Variants in PTPRQ observed in about 807,000 individuals in gnomAD.
PTPRQ encodes phosphatidylinositol phosphatase PTPRQ.
Under a neutral mutation model 246.0 loss-of-function variants are expected in PTPRQ, and 199 were observed. That is an observed-to-expected ratio of 0.81 (90% confidence interval 0.72 to 0.91). PTPRQ has a LOEUF of 0.91. Ranked by LOEUF, PTPRQ falls within the 40% of genes least tolerant of loss-of-function variation. The probability of loss-of-function intolerance (pLI) is 0.00; values close to 1 mark genes in which losing one functional copy is unlikely to be tolerated. For synonymous variants in PTPRQ, 869 were observed against 853.2 expected, an observed-to-expected ratio of 1.02 and a Z score of -0.32; for missense variants, 2,624 against 2,528.4, an observed-to-expected ratio of 1.04 and a Z score of -0.81.
At chr12:80,477,110 C>T (rs961274756) in intron 8 of PTPRQ, among the ~76,000 whole-genome samples, 2 of 152,106 alleles carry the variant, frequency 1.3e-5, no homozygotes, top group African/African-American at 4.8e-5. Flanking sequence ...GCTTTAAGTT[C>T]TTGGTACTTT....
intron 30 of PTPRQ, among the ~76,000 whole-genome samples, chr12:80,617,643 T>G (rs1458268041): frequency 6.6e-6 from 1 of 151,380 alleles, no homozygotes; most frequent in Admixed American, 6.6e-5. Flanking sequence ...AATCTTGACT[T>G]TTACTCCTTA....
chr12:80,488,038 T>C (rs890910623), intron 9 of PTPRQ, among the ~76,000 whole-genome samples: 1 of 151,858 alleles, frequency 6.6e-6, no homozygotes, highest in African/African-American at 2.4e-5. Context: ...GCTTTAGAAC[T>C]GAGGGCCCTG....
intron 25 of PTPRQ, among the ~76,000 whole-genome samples, chr12:80,567,870 G>A (rs536641416): frequency 6.6e-5 from 10 of 152,228 alleles, no homozygotes; most frequent in Non-Finnish European, 1.5e-4. Context: ...CAACAGCACC[G>A]AATGAGAGTT....
chr12:80,650,858 A>C (rs1193228473), intron 37 of PTPRQ, among the ~76,000 whole-genome samples: 1 of 152,042 alleles, frequency 6.6e-6, no homozygotes, highest in Non-Finnish European at 1.5e-5. Flanking sequence ...TTTCTAGTTT[A>C]AGTTTTTTGA....
intron 7 of PTPRQ, among the ~76,000 whole-genome samples, chr12:80,471,446 CTTATAGAAGATAATGAAA>C: frequency 7.0e-6 from 1 of 142,122 alleles, no homozygotes; most frequent in Non-Finnish European, 1.6e-5. Context: ...AATATATCCT[CTTATAGAAGATAATGAAA>C]TTATTTAGCA....
chr12:80,626,407 A>G (rs985013773), intron 33 of PTPRQ, among the ~76,000 whole-genome samples: 10 of 152,304 alleles, frequency 6.6e-5, no homozygotes, highest in Middle Eastern at 3.4e-3. Flanking sequence ...AGGAGATTAA[A>G]TCAGATGAAT....
chr12:80,517,466 G>T (rs1359726910), intron 17 of PTPRQ, among the ~76,000 whole-genome samples: 1 of 151,920 alleles, frequency 6.6e-6, no homozygotes, highest in Non-Finnish European at 1.5e-5. Flanking sequence ...GGAAAATGGG[G>T]TATCCATCCC....
Position 80,444,868 on chromosome 12 carries a change from T to C in PTPRQ, c.163+19T>C, listed in dbSNP as rs760396351. On this transcript the variant is annotated intron_variant, in intron 2 of 44. Coordinates refer to ENST00000644991, the MANE Select transcript of PTPRQ (RefSeq NM_001145026.2). ...GTAACAAGTGAGTATATGTTTTAAA[T>C]TACTTTGTAAGTAAAGTATTTGGAG... 1.3e-6 allele frequency: 2 copies of C among 1,501,754 alleles called. No homozygotes were observed. Among genetic ancestry groups the C allele is most frequent in the South Asian group, 1.2e-5 (1 of 80,880 alleles). The allele number at this position is 1,501,754 out of a possible 1,614,324, so 93.0% of individuals were successfully genotyped here.
In PTPRQ at chr12:80,459,370, G is replaced by A. The variant is rs1893078241; in HGVS notation, c.547G>A (p.Gly183Ser). 1 of 398,442 alleles carries A rather than the reference G, an allele frequency of 2.5e-6. No individual in the cohort carries two copies. The highest frequency in any genetic ancestry group is 4.4e-5 in the Admixed American group (1 of 22,700). The allele number at this position is 398,442 out of a possible 1,614,324, so 24.7% of individuals were successfully genotyped here. Residue 183 changes from glycine to serine, a missense_variant, in exon 5 of 45, where the codon GGC (glycine) becomes AGC (serine). Gly to Ser is a moderately conservative substitution (Grantham distance 56). Coordinates refer to ENST00000644991, the MANE Select transcript of PTPRQ (RefSeq NM_001145026.2). The stretch of plus-strand genomic sequence containing the variant: ...TTGGTATTTACCTCGGCAACCAAAT[G>A]GCAAAATTACCAGCTTCAAGATTAG... The part of the protein sequence containing the change: ...LIWYLPRQPN[G>S]KITSFKISVK...
intron 39 of PTPRQ, among the ~76,000 whole-genome samples, chr12:80,668,012 A>G (rs1900840175): frequency 1.3e-5 from 2 of 151,970 alleles, no homozygotes; most frequent in South Asian, 4.1e-4. Context: ...TTGCTGGATT[A>G]CATTTTAGAG....
At chr12:80,466,441 T>G (rs2120516257) in intron 6 of PTPRQ, among the ~76,000 whole-genome samples, 1 of 152,260 alleles carries the variant, frequency 6.6e-6, no homozygotes, top group Admixed American at 6.5e-5. Flanking sequence ...CCAAGGTAAT[T>G]TATAGATTCT....
chr12:80,664,581 A>T, intron 39 of PTPRQ, among the ~76,000 whole-genome samples: 1 of 152,048 alleles, frequency 6.6e-6, no homozygotes, highest in African/African-American at 2.4e-5. Flanking sequence ...ATATCTTGAT[A>T]TTATAGGTTT....
intron 7 of PTPRQ, among the ~76,000 whole-genome samples, chr12:80,469,601 T>A (rs1035726607): frequency 6.6e-6 from 1 of 151,950 alleles, no homozygotes; most frequent in Non-Finnish European, 1.5e-5. Flanking sequence ...AGATACAGAG[T>A]TCCAACTCAT....
At chr12:80,642,939 A>AAG (rs1899936351) in intron 35 of PTPRQ, among the ~76,000 whole-genome samples, 1 of 144,610 alleles carries the variant, frequency 6.9e-6, no homozygotes, top group East Asian at 1.9e-4. Context: ...AAAAAAAAAA[A>AAG]AAAAAAACAA....
intron 9 of PTPRQ, among the ~76,000 whole-genome samples, 181 bp downstream of exon 9, chr12:80,484,786 A>G (rs1057157766): frequency 4.6e-5 from 7 of 152,128 alleles, no homozygotes; most frequent in Admixed American, 1.3e-4. Context: ...GTTATATATT[A>G]TTAGTTAAGT....
At chr12:80,611,842 G>A (rs193031809) in intron 28 of PTPRQ, among the ~76,000 whole-genome samples, 12 of 150,524 alleles carry the variant, frequency 8.0e-5, no homozygotes, top group Admixed American at 2.7e-4. Context: ...GCATAAAAAC[G>A]TGTAGTAACA....
At chr12:80,599,729 T>C (rs1592702976) in intron 26 of PTPRQ, among the ~76,000 whole-genome samples, 1 of 151,686 alleles carries the variant, frequency 6.6e-6, no homozygotes, top group South Asian at 2.1e-4. Flanking sequence ...AATACTAAAA[T>C]AATTAAGTGC....
At chr12:80,630,008 ATACTT>A (rs995711980) in intron 33 of PTPRQ, among the ~76,000 whole-genome samples, 7 of 152,178 alleles carry the variant, frequency 4.6e-5, no homozygotes, top group African/African-American at 9.7e-5. Flanking sequence ...CCACTCCTAA[ATACTT>A]TAGTATGTTT....
intron 38 of PTPRQ, among the ~76,000 whole-genome samples, chr12:80,653,653 A>C (rs1450618068): frequency 1.3e-5 from 2 of 152,174 alleles, no homozygotes; most frequent in African/African-American, 4.8e-5. Flanking sequence ...GAATAGCTAC[A>C]CTTCTTAAAA....
Sources: allele counts gnomAD v4.1 joint callset (sites outside exome capture counted in the v4.1 genomes callset), GRCh38; gene constraint gnomAD v4.1.1; transcripts MANE v1.5; gene names NCBI Gene and HGNC (gene_info 2026-07-23, HGNC 2026-07-21).